Variants in PDE4B observed in about 807,000 individuals in gnomAD.
PDE4B encodes the protein phosphodiesterase 4B.
Under a neutral mutation model 82.2 loss-of-function variants are expected in PDE4B, and 20 were observed. The observed-to-expected ratio is 0.24, with a 90% confidence interval of 0.17 to 0.35. The LOEUF (loss-of-function observed/expected upper bound fraction) is 0.35. Among genes scored for constraint, PDE4B ranks in the 10% least tolerant of loss-of-function variants. PDE4B has a pLI of 1.00. For missense variants in PDE4B, 655 were observed against 907.2 expected (o/e 0.72, Z 3.57); for synonymous variants, 320 against 318.9 (o/e 1.00, Z -0.04).
At chr1:65,933,449 T>G (rs1017819837) in intron 3 of PDE4B, among the ~76,000 whole-genome samples, 2 of 152,172 alleles carry the variant, frequency 1.3e-5, no homozygotes, top group African/African-American at 4.8e-5. Context: ...TCCCAGCATT[T>G]TGGGAGGCCA....
intron 3 of PDE4B, among the ~76,000 whole-genome samples, chr1:65,954,785 G>A (rs899024430): frequency 1.3e-5 from 2 of 151,804 alleles, no homozygotes; most frequent in Non-Finnish European, 2.9e-5. Flanking sequence ...ATTTGTTTGT[G>A]CATGAATTCC....
intron 3 of PDE4B, among the ~76,000 whole-genome samples, chr1:65,994,674 A>G (rs1214198854): frequency 6.6e-6 from 1 of 152,162 alleles, no homozygotes; most frequent in Non-Finnish European, 1.5e-5. Flanking sequence ...CAGAAAATAC[A>G]CAATTAATAG....
intron 1 of PDE4B, among the ~76,000 whole-genome samples, chr1:65,816,119 C>G (rs948815255): frequency 1.3e-5 from 2 of 150,326 alleles, no homozygotes; most frequent in Admixed American, 6.7e-5. Flanking sequence ...TTCTGATCAG[C>G]CTAAACATTA....
intron 3 of PDE4B, among the ~76,000 whole-genome samples, chr1:66,048,618 T>G (rs1171318860): frequency 6.6e-6 from 1 of 151,894 alleles, no homozygotes; most frequent in Non-Finnish European, 1.5e-5. Flanking sequence ...GCTCCTTTAT[T>G]TTATAGTTGT....
chr1:66,055,643 T>C (rs1225549531), intron 3 of PDE4B, among the ~76,000 whole-genome samples: 1 of 152,206 alleles, frequency 6.6e-6, no homozygotes, highest in Non-Finnish European at 1.5e-5. Context: ...CTTCTTTGTC[T>C]GGATTGAGAT....
chr1:65,924,461 G>A (rs2100496527), intron 3 of PDE4B, among the ~76,000 whole-genome samples: 1 of 151,888 alleles, frequency 6.6e-6, no homozygotes, highest in Admixed American at 6.6e-5. Context: ...ACATTTTAAA[G>A]TTTGTATTCA....
At chr1:65,985,810 A>G (rs1014957396) in intron 3 of PDE4B, among the ~76,000 whole-genome samples, 2 of 152,136 alleles carry the variant, frequency 1.3e-5, no homozygotes, top group African/African-American at 4.8e-5. Flanking sequence ...AGAAGCACCT[A>G]ATTACTCTGC....
chr1:66,142,475 A>G (rs903521915), intron 3 of PDE4B, among the ~76,000 whole-genome samples: 1 of 152,230 alleles, frequency 6.6e-6, no homozygotes, highest in African/African-American at 2.4e-5. Context: ...ATTTTGTTGC[A>G]GTATGCCAAC....
At chr1:66,161,174 A>G (rs1646605417) in intron 3 of PDE4B, among the ~76,000 whole-genome samples, 1 of 152,210 alleles carries the variant, frequency 6.6e-6, no homozygotes, top group Admixed American at 6.5e-5. Flanking sequence ...CAACTCCTAC[A>G]GAACATCAGC....
chr1:66,161,005 G>A (rs1245799164), intron 3 of PDE4B, among the ~76,000 whole-genome samples: 1 of 152,132 alleles, frequency 6.6e-6, no homozygotes, highest in Non-Finnish European at 1.5e-5. Flanking sequence ...TTGTCAGGAA[G>A]AAATTTTAAA....
At position 65,842,451 on chromosome 1, in the gene PDE4B, A is replaced by ATGTTTG. The variant is rs1646218355; in HGVS notation, c.-71+49203_-71+49204insTGTTTG. Among the ~76,000 whole-genome samples the ATGTTTG allele has an allele frequency of 2.6e-5, 4 of 152,196 alleles. No individual in the cohort carries two copies. In the East Asian group the frequency reaches 7.7e-4, roughly 29 times the overall value. On this transcript the variant is annotated intron_variant, in intron 1 of 16. Coordinates refer to ENST00000341517, the MANE Select transcript of PDE4B (RefSeq NM_002600.4). ...ATAATAAAACATGCAAACAACTAAAACATAGGACAACATATATTGTATCAT... is the reference window on the plus strand; with the variant it reads ...ATAATAAAACATGCAAACAACTAAAATGTTTGCATAGGACAACATATATTGTATCAT...
intron 3 of PDE4B, among the ~76,000 whole-genome samples, chr1:66,203,537 T>C (rs542336497): frequency 2.0e-5 from 3 of 152,324 alleles, no homozygotes; most frequent in Admixed American, 6.5e-5. Context: ...TTGGAGACTT[T>C]GTTCGTTTCT....
At chr1:66,175,804 C>T (rs1297550470) in intron 3 of PDE4B, among the ~76,000 whole-genome samples, 1 of 152,154 alleles carries the variant, frequency 6.6e-6, no homozygotes, top group Non-Finnish European at 1.5e-5. Flanking sequence ...AAAAGTCAGT[C>T]TTGTATGAAT....
At chr1:66,081,807 ACTCTCTCT>A (rs72513051) in intron 3 of PDE4B, among the ~76,000 whole-genome samples, 1,493 of 140,874 alleles carry the variant, frequency 0.011, 6 homozygotes, top group Middle Eastern at 0.026. Flanking sequence ...GAAAAGTAAA[ACTCTCTCT>A]CTCTCTCTCT....
chr1:65,973,809 GT>G (rs71763578), intron 3 of PDE4B, among the ~76,000 whole-genome samples: 96,643 of 150,052 alleles, frequency 0.64, 31,058 homozygotes, highest in African/African-American at 0.68. Context: ...GTAGCACTGG[GT>G]TTTTTTTTTT....
At chr1:66,284,201 C>G (rs182800135) in intron 7 of PDE4B, among the ~76,000 whole-genome samples, 6 of 152,284 alleles carry the variant, frequency 3.9e-5, no homozygotes, top group Admixed American at 3.9e-4. Context: ...AAATAACACT[C>G]TGTACTGAGC....
intron 3 of PDE4B, among the ~76,000 whole-genome samples, chr1:66,208,182 A>G (rs926791349): frequency 6.6e-6 from 1 of 152,164 alleles, no homozygotes; most frequent in Non-Finnish European, 1.5e-5. Context: ...CACTGCTCAT[A>G]AATGGTTTCT....
At chr1:66,363,125 C>T in intron 10 of PDE4B, 43 bp from the exon 11 acceptor site, 1 of 1,382,338 alleles carries the variant, frequency 7.2e-7, no homozygotes, top group Non-Finnish European at 1.0e-6. Context: ...CATGTTAGCA[C>T]AACTTTCCTT....
chr1:65,920,935 A>G (rs906673771), intron 3 of PDE4B, among the ~76,000 whole-genome samples: 1 of 151,638 alleles, frequency 6.6e-6, no homozygotes, highest in East Asian at 1.9e-4. Context: ...ATTTATTTTA[A>G]AACATAAGTA....
Sources: allele counts gnomAD v4.1 joint callset (sites outside exome capture counted in the v4.1 genomes callset), GRCh38; gene constraint gnomAD v4.1.1; transcripts MANE v1.5; gene names NCBI Gene and HGNC (gene_info 2026-07-23, HGNC 2026-07-21).